CFAP299: variants seen among roughly 807,000 people sequenced by gnomAD.
The protein encoded by CFAP299 is cilia- and flagella-associated protein 299.
Under a neutral mutation model 27.0 loss-of-function variants are expected in CFAP299, and 21 were observed. The observed-to-expected ratio is 0.78, with a 90% CI of 0.55 to 1.12. The LOEUF is 1.12. CFAP299 is among the 50% of genes most tolerant of loss of function. The pLI is 0.00. For missense variants in CFAP299, 310 were observed against 276.6 expected (o/e 1.12, Z -0.86); for synonymous variants, 104 against 98.1 (o/e 1.06, Z -0.36).
chr4:80,665,063 G>T (rs994486325), intron 3 of CFAP299, among the ~76,000 whole-genome samples: 1 of 152,112 alleles, frequency 6.6e-6, no homozygotes, highest in East Asian at 1.9e-4. Context: ...TGCACACACT[G>T]TCTAATCAGT....
intron 3 of CFAP299, among the ~76,000 whole-genome samples, chr4:80,845,077 T>G (rs1731098823): frequency 6.6e-6 from 1 of 152,180 alleles, no homozygotes; most frequent in Admixed American, 6.5e-5. Flanking sequence ...ATATGTGGCA[T>G]TATTTCTGAG....
intron 5 of CFAP299, among the ~76,000 whole-genome samples, chr4:80,955,411 A>T (rs1445099913): frequency 3.3e-5 from 5 of 152,340 alleles, no homozygotes; most frequent in African/African-American, 1.2e-4. Flanking sequence ...GAAATGAGAG[A>T]ATATGTTTAA....
intron 2 of CFAP299, among the ~76,000 whole-genome samples, chr4:80,536,203 A>C (rs1047351919): frequency 6.6e-6 from 1 of 152,158 alleles, no homozygotes; most frequent in African/African-American, 2.4e-5. Context: ...CAGTAATGGG[A>C]TAAAGTGCCT....
chr4:80,355,271 TAATA>T (rs1308245683), intron 1 of CFAP299, among the ~76,000 whole-genome samples: 2 of 151,890 alleles, frequency 1.3e-5, no homozygotes, highest in Non-Finnish European at 2.9e-5. Flanking sequence ...TGCCGTTCTC[TAATA>T]ATCAGTGATG....
At chr4:80,421,306 CCTT>C (rs1467871178) in intron 2 of CFAP299, among the ~76,000 whole-genome samples, 21 of 152,166 alleles carry the variant, frequency 1.4e-4, no homozygotes, top group African/African-American at 5.1e-4. Context: ...TTTAGTTAGT[CCTT>C]CTTCTTCCCC....
At chr4:80,700,056 A>G (rs2110025982) in intron 3 of CFAP299, among the ~76,000 whole-genome samples, 1 of 152,270 alleles carries the variant, frequency 6.6e-6, no homozygotes, top group African/African-American at 2.4e-5. Flanking sequence ...ACTTAAAAAG[A>G]ACAGAATTTG....
At chr4:80,416,201 T>A (rs1447942692) in intron 2 of CFAP299, among the ~76,000 whole-genome samples, 1 of 152,238 alleles carries the variant, frequency 6.6e-6, no homozygotes, top group Non-Finnish European at 1.5e-5. Context: ...TAGGCTTATA[T>A]GGAAAATATC....
rs557446491 is a variant in CFAP299 at position 80,511,231 on chromosome 4, G to T, written c.243-71862G>T. On this transcript the variant is annotated intron_variant, in intron 2 of 5. Transcript: ENST00000358105. ...TATTAAAAGTACCTACCTAGTTCATGCAGTAATTACAAAGATGAACTAAGT... is the reference window on the plus strand; with the variant it reads ...TATTAAAAGTACCTACCTAGTTCATTCAGTAATTACAAAGATGAACTAAGT... Among the ~76,000 whole-genome samples the T allele has an allele frequency of 2.0e-5, 3 of 152,080 alleles. No homozygotes were observed. The South Asian group carries it at 6.2e-4, about 32-fold the overall frequency.
intron 2 of CFAP299, chr4:80,420,101 G>A (rs73829280): frequency 0.051 from 22,029 of 431,052 alleles, 1,722 homozygotes; most frequent in African/African-American, 0.23. Flanking sequence ...ATCATGGGAG[G>A]GGGAGAAGAG....
At chr4:80,662,075 T>G (rs1740879594) in intron 3 of CFAP299, among the ~76,000 whole-genome samples, 1 of 152,144 alleles carries the variant, frequency 6.6e-6, no homozygotes. Context: ...GCCCGAAACT[T>G]CATTAGCAAT....
chr4:80,729,766 A>AT (rs1046662412), intron 3 of CFAP299, among the ~76,000 whole-genome samples: 19 of 149,700 alleles, frequency 1.3e-4, no homozygotes, highest in Middle Eastern at 3.4e-3. Flanking sequence ...CACCTGGCTA[A>AT]TTTTTTTTTG....
At chr4:80,370,380 T>C (rs1724076766) in intron 2 of CFAP299, among the ~76,000 whole-genome samples, 1 of 152,174 alleles carries the variant, frequency 6.6e-6, no homozygotes. Context: ...CCCTCTCACA[T>C]TGCAAAACAC....
At chr4:80,789,821 A>G (rs1458112757) in intron 3 of CFAP299, among the ~76,000 whole-genome samples, 2 of 152,050 alleles carry the variant, frequency 1.3e-5, no homozygotes, top group Non-Finnish European at 2.9e-5. Flanking sequence ...ATCTGCTCAG[A>G]TATTTTAAAG....
chr4:80,463,795 C>G (rs1167020659), intron 2 of CFAP299, among the ~76,000 whole-genome samples: 8 of 152,060 alleles, frequency 5.3e-5, no homozygotes, highest in African/African-American at 1.9e-4. Context: ...TTGGGGCCCA[C>G]AATTCAGTCC....
intron 3 of CFAP299, 57 bp from the exon 4 acceptor site, chr4:80,869,936 T>A: frequency 1.3e-6 from 2 of 1,501,330 alleles, no homozygotes; most frequent in Non-Finnish European, 1.8e-6. Flanking sequence ...CCTATGGCAT[T>A]CCATAATAAA....
chr4:80,870,932 A>G, intron 4 of CFAP299: 1 of 957,440 alleles, frequency 1.0e-6, no homozygotes, highest in Non-Finnish European at 1.2e-6. Context: ...TTTGAGATGG[A>G]GTCTCGCTCT....
intron 2 of CFAP299, among the ~76,000 whole-genome samples, chr4:80,405,744 G>T (rs1304502026): frequency 6.6e-6 from 1 of 151,760 alleles, no homozygotes. Context: ...TATGCCAACC[G>T]GCATACAATT....
chr4:80,711,989 C>G (rs961208144), intron 3 of CFAP299, among the ~76,000 whole-genome samples: 10 of 152,148 alleles, frequency 6.6e-5, no homozygotes, highest in Non-Finnish European at 1.5e-4. Context: ...AATGGAGTCT[C>G]CTTCCTGGTT....
At chr4:80,799,775 A>G (rs1240318878) in intron 3 of CFAP299, among the ~76,000 whole-genome samples, 1 of 42,394 alleles carries the variant, frequency 2.4e-5, no homozygotes, top group Non-Finnish European at 3.8e-5. Flanking sequence ...ATATTATATG[A>G]TATATATATT....
Sources: gnomAD v4.1 joint callset for allele counts (sites outside exome capture counted in the v4.1 genomes callset) on GRCh38, gnomAD v4.1.1 for gene constraint, MANE v1.5 for transcripts, NCBI Gene and HGNC (gene_info 2026-07-23, HGNC 2026-07-21) for gene names.